The following CDH13 variants were observed in gnomAD, a reference collection of about 807,000 sequenced individuals.
CDH13 encodes the protein cadherin-13.
In CDH13, 24 loss-of-function variants were observed where a neutral mutation model predicts 63.8. The observed-to-expected ratio is 0.38, with a 90% CI of 0.27 to 0.53. CDH13 has a LOEUF of 0.53. CDH13 is among the 20% of genes least tolerant of loss of function. The pLI is 0.85. For synonymous variants in CDH13, 503 were observed against 355.3 expected, an observed-to-expected ratio of 1.42 and a Z score of -4.67; for missense variants, 1,049 against 903.1, an observed-to-expected ratio of 1.16 and a Z score of -2.07.
intron 8 of CDH13, among the ~76,000 whole-genome samples, chr16:83,636,202 C>G (rs902410969): frequency 6.6e-6 from 1 of 152,100 alleles, no homozygotes; most frequent in African/African-American, 2.4e-5. Flanking sequence ...CAGTACTGTA[C>G]TGTCTTATTA....
chr16:83,701,656 C>G (rs942076876), intron 10 of CDH13, among the ~76,000 whole-genome samples: 3 of 152,186 alleles, frequency 2.0e-5, no homozygotes, highest in Non-Finnish European at 4.4e-5. Flanking sequence ...TGACCGCCAC[C>G]CAACAACCCC....
chr16:83,248,400 C>T (rs1394890222), intron 5 of CDH13, among the ~76,000 whole-genome samples: 2 of 152,118 alleles, frequency 1.3e-5, no homozygotes, highest in African/African-American at 2.4e-5. Context: ...AGAAACTTCC[C>T]CTAGATCAGC....
At chr16:83,752,756 A>G (rs1005637098) in intron 11 of CDH13, among the ~76,000 whole-genome samples, 2 of 152,226 alleles carry the variant, frequency 1.3e-5, no homozygotes, top group Admixed American at 1.3e-4. Context: ...AATGAAGAAG[A>G]TAATTCCTAC....
intron 1 of CDH13, among the ~76,000 whole-genome samples, chr16:82,727,169 C>A (rs766629548): frequency 2.0e-5 from 3 of 152,052 alleles, no homozygotes; most frequent in African/African-American, 7.2e-5. Flanking sequence ...ACAGAGCAGC[C>A]GTTACTGCAT....
At chr16:83,491,232 A>G (rs2074004923) in intron 7 of CDH13, among the ~76,000 whole-genome samples, 1 of 152,234 alleles carries the variant, frequency 6.6e-6, no homozygotes, top group Non-Finnish European at 1.5e-5. Context: ...AATAGGATGG[A>G]CAGGAGTATC....
In CDH13 at chr16:82,939,142, G is replaced by A. The variant is rs543344155; in HGVS notation, c.157+80669G>A. Among the ~76,000 whole-genome samples, 5 of 152,310 alleles carry A rather than the reference G, an allele frequency of 3.3e-5. No individual in the cohort carries two copies. The East Asian group carries it at 9.7e-4, about 29-fold the overall frequency. ...TGGCATTAGAAAGCAGTGGTCACAA[G>A]GCTGGGTGCAGTGGCTCACGCCTGC... On this transcript the variant is annotated intron_variant, in intron 2 of 13. Coordinates refer to ENST00000567109, the MANE Select transcript of CDH13 (RefSeq NM_001257.5).
At chr16:83,283,204 C>G (rs1192850364) in intron 5 of CDH13, among the ~76,000 whole-genome samples, 1 of 152,144 alleles carries the variant, frequency 6.6e-6, no homozygotes, top group East Asian at 1.9e-4. Flanking sequence ...GTTTGAATTA[C>G]CTGTGGAGTT....
intron 1 of CDH13, among the ~76,000 whole-genome samples, chr16:82,713,757 C>G (rs550639721): frequency 7.1e-6 from 1 of 141,816 alleles, no homozygotes; most frequent in South Asian, 2.3e-4. Flanking sequence ...CTGACTAATT[C>G]TATGAGCTTG....
chr16:83,031,967 C>G (rs746069538), intron 2 of CDH13, 43 bp from the exon 3 acceptor site: 1 of 1,479,812 alleles, frequency 6.8e-7, no homozygotes, highest in Non-Finnish European at 9.2e-7. Flanking sequence ...GATAAGCTGC[C>G]CAACCTACTC....
chr16:83,125,208 G>C (rs2035757640), intron 3 of CDH13, among the ~76,000 whole-genome samples, 177 bp from the exon 4 acceptor site: 1 of 152,192 alleles, frequency 6.6e-6, no homozygotes, highest in Non-Finnish European at 1.5e-5. Flanking sequence ...GAATAACAAT[G>C]TCAGCTTTAG....
chr16:82,799,765 T>G (rs1401291861), intron 1 of CDH13, among the ~76,000 whole-genome samples: 1 of 152,170 alleles, frequency 6.6e-6, no homozygotes, highest in African/African-American at 2.4e-5. Context: ...GTGCCAACAA[T>G]GTGGCTATGG....
chr16:83,433,762 A>G (rs531323073), intron 6 of CDH13, among the ~76,000 whole-genome samples: 2 of 152,350 alleles, frequency 1.3e-5, no homozygotes, highest in South Asian at 4.1e-4. Flanking sequence ...GCCATGTCAC[A>G]TTACACTTGT....
intron 2 of CDH13, among the ~76,000 whole-genome samples, chr16:82,875,560 G>C (rs148721683): frequency 6.6e-6 from 1 of 152,000 alleles, no homozygotes; most frequent in African/African-American, 2.4e-5. Flanking sequence ...GACGATATTT[G>C]TTTCATTTTG....
chr16:83,503,093 C>G (rs1370027446), intron 7 of CDH13, among the ~76,000 whole-genome samples: 4 of 152,196 alleles, frequency 2.6e-5, no homozygotes, highest in Non-Finnish European at 5.9e-5. Context: ...AGATCTGTAC[C>G]TTGTAGGTGC....
chr16:82,786,276 AT>A (rs953085025), intron 1 of CDH13, among the ~76,000 whole-genome samples: 33 of 150,576 alleles, frequency 2.2e-4, no homozygotes, highest in Admixed American at 3.3e-4. Context: ...TTAAGGTTTG[AT>A]TTTTTTTTTA....
At chr16:83,269,312 G>A (rs1004944312) in intron 5 of CDH13, among the ~76,000 whole-genome samples, 2 of 152,152 alleles carry the variant, frequency 1.3e-5, no homozygotes, top group Admixed American at 6.5e-5. Context: ...TATCACCACA[G>A]CTTTGTATTA....
chr16:83,057,785 G>T (rs958201549), intron 3 of CDH13, among the ~76,000 whole-genome samples: 6 of 152,094 alleles, frequency 3.9e-5, no homozygotes, highest in Admixed American at 1.3e-4. Context: ...CCAGAAAAGG[G>T]GTGAGGGTAG....
chr16:82,826,512 T>C (rs1263363154), intron 1 of CDH13: 1 of 152,212 alleles, frequency 6.6e-6, no homozygotes, highest in Non-Finnish European at 1.5e-5. Context: ...TCCTAATCAT[T>C]ATTAAAATAG....
chr16:83,032,841 A>G (rs2151475793), intron 3 of CDH13, among the ~76,000 whole-genome samples: 1 of 152,288 alleles, frequency 6.6e-6, no homozygotes, highest in South Asian at 2.1e-4. Context: ...AGTTCCTCAA[A>G]GTAAATTAAG....
Sources: allele counts gnomAD v4.1 joint callset (sites outside exome capture counted in the v4.1 genomes callset), GRCh38; gene constraint gnomAD v4.1.1; transcripts MANE v1.5; gene names NCBI Gene and HGNC (gene_info 2026-07-23, HGNC 2026-07-21).